The following OSER1 variants were observed in gnomAD, a reference collection of about 807,000 sequenced individuals.
OSER1 encodes the protein oxidative stress responsive serine rich 1.
A neutral mutation model predicts 26.3 loss-of-function variants in OSER1; 15 were observed. That is an observed-to-expected ratio of 0.57 (90% CI 0.38 to 0.88). OSER1 has a LOEUF of 0.88. Among genes scored for constraint, OSER1 ranks in the 40% least tolerant of loss-of-function variants. OSER1 has a pLI of 0.00. For missense variants in OSER1, 313 were observed against 353.9 expected (o/e 0.88, Z 0.93); for synonymous variants, 127 against 128.2 (o/e 0.99, Z 0.07).
chr20:44,197,945 T>G (rs181011683), intron 3 of OSER1, among the ~76,000 whole-genome samples: 1 of 152,188 alleles, frequency 6.6e-6, no homozygotes, highest in South Asian at 2.1e-4. Flanking sequence ...TAGCAAGCTA[T>G]AGAACGAGGT....
intron 3 of OSER1, among the ~76,000 whole-genome samples, chr20:44,199,141 C>T (rs2072954878): frequency 6.6e-6 from 1 of 152,200 alleles, no homozygotes; most frequent in Non-Finnish European, 1.5e-5. Flanking sequence ...AGTGCTTCTG[C>T]TGTGGTTAGA....
chr20:44,196,963 T>C lies in OSER1; in HGVS notation c.*89A>G. 3 of 871,222 alleles carry C rather than the reference T, an allele frequency of 3.4e-6. No individual in the cohort carries two copies. The highest frequency in any genetic ancestry group is 5.5e-6 in the Non-Finnish European group (3 of 542,626). The allele number at this position is 871,222 out of a possible 1,614,324, so 54.0% of individuals were successfully genotyped here. A position where few individuals can be genotyped will look rare whatever the true frequency, so the allele number is the denominator to read the frequency against. ...ACAGTGAGCAGAAAGAGATGTCTTC[T>C]CACACAAAGTGGCCACAAGGTCTGC... On this transcript the variant is annotated 3_prime_UTR_variant, in exon 4 of 4. Coordinates refer to ENST00000255174, the MANE Select transcript of OSER1 (RefSeq NM_016470.8).
chr20:44,205,249 A>G (rs961060378), intron 2 of OSER1, among the ~76,000 whole-genome samples: 11 of 152,248 alleles, frequency 7.2e-5, no homozygotes, highest in Admixed American at 7.2e-4. Context: ...GTGGGTACAC[A>G]TTCCTAGTAT....
At position 44,206,946 on chromosome 20, in the gene OSER1, T is replaced by C; in HGVS notation, c.12A>G (p.Glu4=). ...GACTCTCCTCCTCTCCATCCTTGGC[T>C]TCGGATTTCATTGTGCAAGTTTTTA... MKS[E]AKDGEEESLQ... Residue 4 remains glutamate (E), a synonymous_variant, in exon 2 of 4, where the codon GAA becomes GAG. Coordinates refer to ENST00000255174, the MANE Select transcript of OSER1 (RefSeq NM_016470.8). The C allele has an allele frequency of 2.5e-6, 4 of 1,608,448 alleles. No homozygotes were observed.
intron 2 of OSER1, among the ~76,000 whole-genome samples, chr20:44,203,723 C>CGT (rs2073009858): frequency 6.6e-6 from 1 of 151,026 alleles, no homozygotes; most frequent in South Asian, 2.1e-4. Flanking sequence ...CACACACACA[C>CGT]ACACACACCC....
intron 3 of OSER1, among the ~76,000 whole-genome samples, chr20:44,200,819 G>C (rs1377023701): frequency 6.6e-6 from 1 of 152,210 alleles, no homozygotes; most frequent in Non-Finnish European, 1.5e-5. Context: ...AAAGCAGCCA[G>C]AGACTAGAAA....
chr20:44,202,951 A>C lies in OSER1; in HGVS notation c.191+10T>G. 1.4e-6 allele frequency: 2 copies of C among 1,442,560 alleles called. No individual in the cohort carries two copies. The highest frequency in any genetic ancestry group is 2.3e-5 in the East Asian group (1 of 44,102). The allele number at this position is 1,442,560 out of a possible 1,614,324, so 89.4% of individuals were successfully genotyped here. On this transcript the variant is annotated intron_variant, in intron 3 of 3. Transcript: ENST00000255174. ...TTGGAATAAAAATCATCTCAATAAG[A>C]AGCTCTTACCCGTGCCAACTGTCTT...
rs766181944 is a variant in OSER1 at position 44,197,291 on chromosome 20, C to G, written c.640G>C (p.Val214Leu). ...CQCKRWHDME[V>L]YSFSGLQSVP... ...CTCTGCAGGCCTGAAAAGGAATACA[C>G]TTCCATATCATGCCATCTCTTACAC... Residue 214 changes from valine (V) to leucine (L), a missense_variant, in exon 4 of 4, where the codon GTG becomes CTG. Coordinates refer to ENST00000255174, the MANE Select transcript of OSER1 (RefSeq NM_016470.8). The G allele has an allele frequency of 6.2e-7, 1 of 1,614,060 alleles. No individual in the cohort carries two copies. The highest frequency in any genetic ancestry group is 1.7e-5 in the Admixed American group (1 of 60,032).
At chr20:44,208,655 A>T (rs1170532555) in intron 1 of OSER1, among the ~76,000 whole-genome samples, 1 of 152,198 alleles carries the variant, frequency 6.6e-6, no homozygotes, top group Non-Finnish European at 1.5e-5. Context: ...GCAATCACTT[A>T]TTTCAATATT....
Position 44,197,341 on chromosome 20 carries a change from C to A in OSER1, c.590G>T (p.Cys197Phe). 1 of 1,614,220 alleles carries A rather than the reference C, an allele frequency of 6.2e-7. No individual in the cohort carries two copies. Among genetic ancestry groups the A allele is most frequent in the Non-Finnish European group, 8.5e-7 (1 of 1,180,016 alleles). The change falls in exon 4 of 4, where the codon TGC becomes TTC. Residue 197 changes from cysteine (C) to phenylalanine (F), a missense_variant. Coordinates refer to ENST00000255174, the MANE Select transcript of OSER1 (RefSeq NM_016470.8). ...CTGGCATTCCTTGCCTATGCATGTG[C>A]ATGGCTTGCCCTGGTTTAGCTTGGA... is the stretch of plus-strand genomic sequence containing the variant. ...SVSKLNQGKP[C>F]TCIGKECQCK... is the part of the protein sequence containing the mutation.
Position 44,196,832 on chromosome 20 carries a change from G to T in OSER1, c.*220C>A, listed in dbSNP as rs370270936. On this transcript the variant is annotated 3_prime_UTR_variant, in exon 4 of 4. Coordinates refer to ENST00000255174, the MANE Select transcript of OSER1 (RefSeq NM_016470.8). ...CCCAGGAACATTTCTAAATAAGGGG[G>T]ATTTTTCTTTGATCTGCTCGCCTTG... is the stretch of plus-strand genomic sequence containing the variant. The T allele has an allele frequency of 9.0e-5, 43 of 477,050 alleles. No homozygotes were observed. The highest frequency in any genetic ancestry group is 6.9e-4 in the East Asian group (21 of 30,434). 29.6% of individuals were successfully genotyped at this position (477,050 alleles called of 1,614,324 possible).
At chr20:44,209,389 G>C (rs528604101) in intron 1 of OSER1, among the ~76,000 whole-genome samples, 23 of 152,324 alleles carry the variant, frequency 1.5e-4, no homozygotes, top group African/African-American at 4.8e-4. Flanking sequence ...CTAGAGAAGA[G>C]CATGTTTGTA....
Position 44,197,574 on chromosome 20 carries a change from A to C in OSER1, c.357T>G (p.Ser119Arg), listed in dbSNP as rs201888626. ...KSQTDSPDGS[S>R]GLGISSPKEF... ...CTTTAGGGGATGAAATTCCCAGCCC[A>C]CTGCTGCCATCAGGTGAGTCAGTCT... is the stretch of plus-strand genomic sequence containing the variant. Residue 119 changes from serine to arginine, a missense_variant, in exon 4 of 4, where the codon AGT (serine) becomes AGG (arginine). Coordinates refer to ENST00000255174, the MANE Select transcript of OSER1 (RefSeq NM_016470.8). 18 of 1,614,178 alleles carry C rather than the reference A, an allele frequency of 1.1e-5. No individual in the cohort carries two copies. In the East Asian group the frequency reaches 3.8e-4, roughly 34 times the overall value.
intron 1 of OSER1, chr20:44,210,052 T>G (rs2073082820): frequency 6.6e-6 from 1 of 152,312 alleles, no homozygotes; most frequent in South Asian, 2.1e-4. Flanking sequence ...CTCGCAGCGC[T>G]GCAGCCAAAG....
In OSER1 at chr20:44,210,727, G is replaced by T. The variant is rs945227602; in HGVS notation, c.-73C>A. The T allele has an allele frequency of 2.0e-5, 3 of 152,348 alleles. No homozygotes were observed. Among genetic ancestry groups the T allele is most frequent in the African/African-American group, 7.2e-5 (3 of 41,468 alleles). The allele number at this position is 152,348 out of a possible 1,614,324, so 9.4% of individuals were successfully genotyped here. A position where few individuals can be genotyped will look rare whatever the true frequency, so the allele number is the denominator to read the frequency against. On this transcript the variant is annotated 5_prime_UTR_variant, in exon 1 of 4. Transcript: ENST00000255174. ...GCAGCTGGGACGCTCCGGTGATGCG[G>T]GGCAGTCAGTTCAGAGCGTCTCTCC...
At chr20:44,206,614 G>C (rs752099622) in intron 2 of OSER1, among the ~76,000 whole-genome samples, 1 of 147,246 alleles carries the variant, frequency 6.8e-6, no homozygotes, top group Non-Finnish European at 1.5e-5. Context: ...AAAAAGAAGT[G>C]GGGGGGAAGC....
chr20:44,200,186 G>C (rs959493405), intron 3 of OSER1, among the ~76,000 whole-genome samples: 1 of 152,142 alleles, frequency 6.6e-6, no homozygotes, highest in South Asian at 2.1e-4. Context: ...TGATCATTGA[G>C]AGGCAGAATC....
chr20:44,205,832 C>T (rs1006551370), intron 2 of OSER1, among the ~76,000 whole-genome samples: 1 of 149,602 alleles, frequency 6.7e-6, no homozygotes, highest in Non-Finnish European at 1.5e-5. Context: ...CCCAGCTACT[C>T]GGGAGGCTGA....
intron 1 of OSER1, 184 bp from the exon 2 acceptor site, chr20:44,207,182 T>C: frequency 4.4e-6 from 2 of 456,480 alleles, no homozygotes; most frequent in South Asian, 3.1e-5. Context: ...AAAATGGATA[T>C]GTACTATGAC....
Sources: gnomAD v4.1 joint callset for allele counts (sites outside exome capture counted in the v4.1 genomes callset) on GRCh38, gnomAD v4.1.1 for gene constraint, MANE v1.5 for transcripts, NCBI Gene and HGNC (gene_info 2026-07-23, HGNC 2026-07-21) for gene names.